The following CERS6 variants were observed in gnomAD, a reference collection of about 807,000 sequenced individuals.
CERS6 encodes LAG1 homolog, ceramide synthase 6.
A neutral mutation model predicts 56.8 loss-of-function variants in CERS6; 26 were observed. The observed-to-expected ratio is 0.46, with a 90% confidence interval of 0.34 to 0.63. CERS6 has a LOEUF of 0.63. Among genes scored for constraint, CERS6 ranks in the 30% least tolerant of loss-of-function variants. CERS6 has a pLI of 0.01. For missense variants in CERS6, 415 were observed against 467.5 expected (o/e 0.89, Z 1.04); for synonymous variants, 164 against 173.3 (o/e 0.95, Z 0.42).
intron 3 of CERS6, among the ~76,000 whole-genome samples, chr2:168,588,749 C>T (rs574729185): frequency 6.6e-6 from 1 of 152,190 alleles, no homozygotes; most frequent in African/African-American, 2.4e-5. Context: ...GCTTTCAGTT[C>T]TTTTGTTTGT....
intron 4 of CERS6, among the ~76,000 whole-genome samples, chr2:168,689,394 A>G (rs1686440897): frequency 6.6e-6 from 1 of 152,202 alleles, no homozygotes; most frequent in Non-Finnish European, 1.5e-5. Flanking sequence ...TATCATGTTT[A>G]TATTACATAG....
chr2:168,678,886 T>G (rs1686138570), intron 4 of CERS6, among the ~76,000 whole-genome samples: 1 of 152,204 alleles, frequency 6.6e-6, no homozygotes, highest in African/African-American at 2.4e-5. Context: ...TGCACTCCCA[T>G]GTTTATTGCA....
chr2:168,668,922 T>C (rs550965005), intron 4 of CERS6, among the ~76,000 whole-genome samples: 3 of 152,298 alleles, frequency 2.0e-5, no homozygotes, highest in South Asian at 4.1e-4. Context: ...TTTTGAGATA[T>C]TGGGGGAAAA....
At chr2:168,603,470 A>T (rs1216787210) in intron 3 of CERS6, among the ~76,000 whole-genome samples, 1 of 152,226 alleles carries the variant, frequency 6.6e-6, no homozygotes, top group Non-Finnish European at 1.5e-5. Flanking sequence ...AAACAATTGA[A>T]AAATCAAAGG....
At chr2:168,571,506 T>C (rs989106) in intron 3 of CERS6, among the ~76,000 whole-genome samples, 128,668 of 151,934 alleles carry the variant, frequency 0.85, 55,123 homozygotes, top group South Asian at 0.97. Context: ...TATCAAGCCA[T>C]TTCTCAAGTT....
chr2:168,555,667 A>C (rs1338944003), intron 2 of CERS6, among the ~76,000 whole-genome samples: 3 of 151,784 alleles, frequency 2.0e-5, no homozygotes, highest in African/African-American at 7.3e-5. Flanking sequence ...AGAGTGGGGC[A>C]GATGTAATAG....
At chr2:168,588,940 A>G (rs80077052) in intron 3 of CERS6, among the ~76,000 whole-genome samples, 2 of 152,250 alleles carry the variant, frequency 1.3e-5, no homozygotes, top group African/African-American at 4.8e-5. Flanking sequence ...GGGTTTTGCC[A>G]TGTTGCCCAG....
chr2:168,583,270 G>A (rs1429301399), intron 3 of CERS6, among the ~76,000 whole-genome samples: 3 of 152,132 alleles, frequency 2.0e-5, no homozygotes, highest in Admixed American at 2.0e-4. Context: ...AGTGTGTGTT[G>A]ATTGACGGGC....
intron 3 of CERS6, among the ~76,000 whole-genome samples, chr2:168,604,961 T>C (rs1194331659): frequency 1.3e-5 from 2 of 152,138 alleles, no homozygotes; most frequent in Admixed American, 1.3e-4. Flanking sequence ...CCTGAAAATG[T>C]GGAAGCAGCT....
chr2:168,568,489 C>A (rs976373397), intron 3 of CERS6, among the ~76,000 whole-genome samples: 1 of 152,224 alleles, frequency 6.6e-6, no homozygotes, highest in African/African-American at 2.4e-5. Context: ...TAAAAGTCTA[C>A]ATAATGTTCA....
intron 6 of CERS6, among the ~76,000 whole-genome samples, chr2:168,711,788 T>C (rs1394411428): frequency 5.1e-5 from 7 of 136,350 alleles, no homozygotes; most frequent in Non-Finnish European, 1.6e-5. Context: ...AATGACAAAA[T>C]TAATAAGAGT....
At chr2:168,610,648 C>G (rs1684166621) in intron 3 of CERS6, among the ~76,000 whole-genome samples, 1 of 152,122 alleles carries the variant, frequency 6.6e-6, no homozygotes, top group Non-Finnish European at 1.5e-5. Context: ...GACTTTCATT[C>G]TATATGGAAT....
intron 2 of CERS6, among the ~76,000 whole-genome samples, chr2:168,559,734 CAT>C (rs1491336787): frequency 1.4e-4 from 12 of 85,468 alleles, no homozygotes; most frequent in Non-Finnish European, 1.7e-4. Context: ...AGAAAGGTAT[CAT>C]ATATATATAT....
intron 1 of CERS6, among the ~76,000 whole-genome samples, chr2:168,503,584 A>G (rs1312953582): frequency 6.6e-6 from 1 of 152,190 alleles, no homozygotes; most frequent in Non-Finnish European, 1.5e-5. Flanking sequence ...ATTGCCCTCA[A>G]ACAGGTGGCA....
chr2:168,472,710 A>T (rs1693999836), intron 1 of CERS6, among the ~76,000 whole-genome samples: 1 of 152,234 alleles, frequency 6.6e-6, no homozygotes, highest in South Asian at 2.1e-4. Flanking sequence ...GATAGGCGCT[A>T]GTAAAGAGAC....
chr2:168,648,327 T>G (rs1383486537), intron 4 of CERS6, among the ~76,000 whole-genome samples: 1 of 152,146 alleles, frequency 6.6e-6, no homozygotes, highest in Non-Finnish European at 1.5e-5. Flanking sequence ...CCTAGTAGTT[T>G]CTGATGGTTA....
intron 1 of CERS6, among the ~76,000 whole-genome samples, chr2:168,487,892 T>A (rs1694302971): frequency 6.6e-6 from 1 of 151,608 alleles, no homozygotes; most frequent in Non-Finnish European, 1.5e-5. Context: ...AATTTTTAAA[T>A]TTTTTTTTGT....
At chr2:168,517,745 G>A (rs1003585296) in intron 1 of CERS6, among the ~76,000 whole-genome samples, 1 of 151,994 alleles carries the variant, frequency 6.6e-6, no homozygotes, top group African/African-American at 2.4e-5. Flanking sequence ...CTTGGAACTG[G>A]AATTAATTTT....
chr2:168,484,167 G>GTTTTTTTTTTTTTTTTTTTTTTTTT (rs34492119), intron 1 of CERS6, among the ~76,000 whole-genome samples: 2 of 51,610 alleles, frequency 3.9e-5, no homozygotes, highest in Non-Finnish European at 7.4e-5. Context: ...TCTTTTTTCT[G>GTTTTTTTTTTTTTTTTTTTTTTTTT]TTTTTTTTTT....
Sources: gnomAD v4.1 joint callset for allele counts (sites outside exome capture counted in the v4.1 genomes callset) on GRCh38, gnomAD v4.1.1 for gene constraint, MANE v1.5 for transcripts, NCBI Gene and HGNC (gene_info 2026-07-23, HGNC 2026-07-21) for gene names.